TPR: variants seen among roughly 807,000 people sequenced by gnomAD.
TPR encodes nucleoprotein TPR.
Under a neutral mutation model 316.1 loss-of-function variants are expected in TPR, and 51 were observed. The observed-to-expected ratio is 0.16, with a 90% CI of 0.13 to 0.20. TPR has a LOEUF of 0.20. Among genes scored for constraint, TPR ranks in the 10% least tolerant of loss-of-function variants. The pLI is 1.00. For synonymous variants in TPR, 981 were observed against 914.7 expected (o/e 1.07, Z -1.31); for missense variants, 2,272 against 2,754.8 (o/e 0.82, Z 3.92).
In TPR at chr1:186,353,721, C is replaced by A. The variant is rs1658942036; in HGVS notation, c.2301G>T (p.Leu767Phe). The change falls in exon 18 of 51, where the codon TTG becomes TTT. Residue 767 changes from leucine to phenylalanine, a missense_variant. Coordinates refer to ENST00000367478, the MANE Select transcript of TPR (RefSeq NM_003292.3). ...EQIINTMTQD[L>F]RGANEKLAVA... ...CAGCTAGCTTCTCATTTGCTCCTCT[C>A]AAATCTTGAGTCATCGTATTGATAA... 1.9e-6 allele frequency: 3 copies of A among 1,614,060 alleles called. No homozygotes were observed. The highest frequency in any genetic ancestry group is 2.5e-6 in the Non-Finnish European group (3 of 1,180,006).
chr1:186,371,840 C>A (rs1010243647), intron 2 of TPR, among the ~76,000 whole-genome samples: 10 of 152,022 alleles, frequency 6.6e-5, no homozygotes, highest in African/African-American at 2.4e-4. Flanking sequence ...CTTACTGATC[C>A]AGAGTATATA....
At position 186,361,635 on chromosome 1, in the gene TPR, T is replaced by G. The variant is rs1659191414; in HGVS notation, c.945A>C (p.Lys315Asn). Reference protein sequence around the residue: ...RAVEELHKLLKEAGEANKAIQ... With the variant: ...RAVEELHKLLNEAGEANKAIQ... ...GAAAACACTTACCTTCACCAGCTTC[T>G]TTCAAAAGTTTGTGTAGTTCCTCTA... Residue 315 changes from lysine to asparagine, a missense_variant, in exon 9 of 51, where the codon AAA becomes AAC. This residue lies in a region of TPR where 549 missense variants were observed against 598.6 expected (regional missense o/e 0.92). Coordinates refer to ENST00000367478, the MANE Select transcript of TPR (RefSeq NM_003292.3). 4.3e-6 allele frequency: 7 copies of G among 1,613,228 alleles called. No homozygotes were observed. The highest frequency in any genetic ancestry group is 5.1e-6 in the Non-Finnish European group (6 of 1,179,444).
At chr1:186,352,481 G>A (rs1051214175) in intron 18 of TPR, among the ~76,000 whole-genome samples, 2 of 152,154 alleles carry the variant, frequency 1.3e-5, no homozygotes, top group African/African-American at 2.4e-5. Context: ...AATCCAAGCC[G>A]GTTTCAAAGT....
chr1:186,313,778 G>T lies in TPR; in HGVS notation c.*193C>A. ...CCAAAGTCTGGTACAACTGTCCTTA[G>T]ACTGATGAGCAAAGGAGGAGTCAAC... On this transcript the variant is annotated 3_prime_UTR_variant, in exon 51 of 51. Transcript: ENST00000367478. 1 of 1,593,006 alleles carries T rather than the reference G, an allele frequency of 6.3e-7. No homozygotes were observed. Among genetic ancestry groups the T allele is most frequent in the South Asian group, 1.1e-5 (1 of 90,656 alleles).
In TPR at chr1:186,357,433, G is replaced by C. The variant is rs1659062147; in HGVS notation, c.1688C>G (p.Thr563Ser). 2 of 1,613,746 alleles carry C rather than the reference G, an allele frequency of 1.2e-6. No homozygotes were observed. The highest frequency in any genetic ancestry group is 2.2e-5 in the South Asian group (2 of 91,070). Residue 563 changes from threonine to serine, a missense_variant, in exon 14 of 51, where the codon ACC (threonine) becomes AGC (serine). This residue lies in a region of TPR where 757 missense variants were observed against 859.8 expected (regional missense o/e 0.88). Transcript: ENST00000367478. ...TGTTTCTTGTTCTTCTCTTTCTCTG[G>C]TTTCCCCAAGCTCTCTAAGGGCCAC... ...LLVALRELGETREREEQETTS... is the reference protein window; with the variant it reads ...LLVALRELGESREREEQETTS...
intron 7 of TPR, 129 bp from the exon 8 acceptor site, chr1:186,361,998 T>A: frequency 1.3e-6 from 1 of 772,926 alleles, no homozygotes; most frequent in Non-Finnish European, 2.0e-6. Flanking sequence ...TTCAAATCAG[T>A]CTTCATGACA....
chr1:186,324,539 A>G (rs1293299239), intron 42 of TPR, among the ~76,000 whole-genome samples: 1 of 152,218 alleles, frequency 6.6e-6, no homozygotes, highest in African/African-American at 2.4e-5. Context: ...TCATAGTTTA[A>G]AAGTCTGAGG....
intron 46 of TPR, among the ~76,000 whole-genome samples, chr1:186,319,866 A>AT (rs1657725604): frequency 6.6e-6 from 1 of 152,160 alleles, no homozygotes; most frequent in South Asian, 2.1e-4. Flanking sequence ...TTGATCTTTT[A>AT]TTTTTTGTTT....
intron 21 of TPR, 92 bp from the exon 22 acceptor site, chr1:186,347,550 C>A: frequency 2.3e-6 from 3 of 1,288,864 alleles, no homozygotes; most frequent in South Asian, 3.5e-5. Flanking sequence ...CATTAAGGTT[C>A]AAATACAGAT....
At chr1:186,343,266 T>A in intron 27 of TPR, 60 bp downstream of exon 27, 1 of 1,555,480 alleles carries the variant, frequency 6.4e-7, no homozygotes, top group South Asian at 1.2e-5. Context: ...ATGGTAGAGA[T>A]ATAAATGAGT....
At position 186,353,812 on chromosome 1, in the gene TPR, C is replaced by T. The variant is rs1387382712; in HGVS notation, c.2210G>A (p.Arg737Gln). ...MLQDNVEGYR[R>Q]EITSLHERNQ... ...TCTCTCATGAAGTGATGTTATTTCT[C>T]GACGATATCCTTCAACATTATCTTG... The change falls in exon 18 of 51, where the codon CGA becomes CAA. Residue 737 changes from arginine (R) to glutamine (Q), a missense_variant. Physicochemically the swap from Arg to Gln is conservative, Grantham distance 43 (BLOSUM62 1). Coordinates refer to ENST00000367478, the MANE Select transcript of TPR (RefSeq NM_003292.3). The T allele has an allele frequency of 1.7e-5, 28 of 1,613,828 alleles. No individual in the cohort carries two copies. The African/African-American group carries it at 1.7e-4, about 10-fold the overall frequency.
At chr1:186,345,930 G>A (rs1442538187) in intron 23 of TPR, among the ~76,000 whole-genome samples, 1 of 152,066 alleles carries the variant, frequency 6.6e-6, no homozygotes, top group African/African-American at 2.4e-5. Context: ...AAGAACCAGT[G>A]ATACCTATTT....
Position 186,347,185 on chromosome 1 carries a change from C to A in TPR, c.2943+107G>T. 2.5e-6 allele frequency: 3 copies of A among 1,217,008 alleles called. 1 individual carries two copies. The South Asian group carries it at 4.5e-5, about 18-fold the overall frequency. 75.4% of individuals were successfully genotyped at this position (1,217,008 alleles called of 1,614,324 possible). ...ACTTTCACAAGGTTAAAGGCAATGACCCTGGTCTAATTCATACGAGTGCCT... is the reference window on the plus strand; with the variant it reads ...ACTTTCACAAGGTTAAAGGCAATGAACCTGGTCTAATTCATACGAGTGCCT... On this transcript the variant is annotated intron_variant, in intron 22 of 50. Transcript: ENST00000367478.
At chr1:186,330,962 C>T (rs957252026) in intron 39 of TPR, among the ~76,000 whole-genome samples, 1 of 152,080 alleles carries the variant, frequency 6.6e-6, no homozygotes. Flanking sequence ...TGCTTACAGT[C>T]ACAAAGCTTC....
chr1:186,367,457 T>A (rs1452274345), intron 4 of TPR, among the ~76,000 whole-genome samples: 1 of 152,232 alleles, frequency 6.6e-6, no homozygotes, highest in Non-Finnish European at 1.5e-5. Context: ...GTTTATGTAT[T>A]TTATGTCTCT....
chr1:186,361,765 T>C, intron 8 of TPR, 24 bp downstream of exon 8: 1 of 1,613,044 alleles, frequency 6.2e-7, no homozygotes, highest in Non-Finnish European at 8.5e-7. Context: ...ATTTAGATAC[T>C]AACATGTGTG....
intron 4 of TPR, among the ~76,000 whole-genome samples, chr1:186,367,499 G>A (rs767431024): frequency 6.6e-6 from 1 of 152,148 alleles, no homozygotes; most frequent in Non-Finnish European, 1.5e-5. Context: ...AATATAGGCT[G>A]AGTATATGTT....
rs1215255619 is a variant in TPR at position 186,360,079 on chromosome 1, TTAACAC to T, written c.1192-89_1192-84del. 4.8e-6 allele frequency: 7 copies of T among 1,454,998 alleles called. No individual in the cohort carries two copies. In the African/African-American group the frequency reaches 5.7e-5, roughly 12 times the overall value. The allele number at this position is 1,454,998 out of a possible 1,614,324, so 90.1% of individuals were successfully genotyped here. On this transcript the variant is annotated intron_variant, in intron 11 of 50. Coordinates refer to ENST00000367478, the MANE Select transcript of TPR (RefSeq NM_003292.3). The stretch of plus-strand genomic sequence containing the variant: ...GATCTAGTTTCATAATAAACATTCT[TTAACAC>T]TAACACAAAATGGCAATGTTTACTA...
chr1:186,350,093 G>A, intron 21 of TPR, 130 bp downstream of exon 21: 1 of 929,660 alleles, frequency 1.1e-6, no homozygotes, highest in Non-Finnish European at 1.5e-6. Flanking sequence ...GAAAAAGTTG[G>A]GTTTTTTTTT....
Sources: allele counts gnomAD v4.1 joint callset (sites outside exome capture counted in the v4.1 genomes callset), GRCh38; gene constraint gnomAD v4.1.1; regional missense constraint gnomAD v4.1.1; transcripts MANE v1.5; gene names NCBI Gene and HGNC (gene_info 2026-07-23, HGNC 2026-07-21).